The following CALCOCO2 variants were observed in gnomAD, a reference collection of about 807,000 sequenced individuals.
CALCOCO2 encodes the protein calcium-binding and coiled-coil domain-containing protein 2.
Under a neutral mutation model 62.5 loss-of-function variants are expected in CALCOCO2, and 42 were observed. That is an observed-to-expected ratio of 0.67 (90% CI 0.53 to 0.87). The LOEUF (loss-of-function observed/expected upper bound fraction) is 0.87, where lower values mean the gene tolerates loss of function less well. Ranked by LOEUF, CALCOCO2 falls within the 40% of genes least tolerant of loss-of-function variation. The pLI is 0.00. For missense variants in CALCOCO2, 456 were observed against 515.0 expected, an observed-to-expected ratio of 0.89 and a Z score of 1.11; for synonymous variants, 167 against 173.0, an observed-to-expected ratio of 0.97 and a Z score of 0.27.
chr17:48,848,572 A>G, intron 4 of CALCOCO2, 117 bp downstream of exon 4: 2 of 908,440 alleles, frequency 2.2e-6, no homozygotes, highest in Non-Finnish European at 3.6e-6. Flanking sequence ...ATTGGAAAAA[A>G]TGTATGTAGT....
At chr17:48,836,872 G>A (rs1391248235) in intron 1 of CALCOCO2, among the ~76,000 whole-genome samples, 1 of 149,572 alleles carries the variant, frequency 6.7e-6, no homozygotes, top group Non-Finnish European at 1.5e-5. Context: ...AAGCTATTCT[G>A]CCTCAGCCTT....
chr17:48,839,005 CT>C (rs560816686), intron 1 of CALCOCO2, among the ~76,000 whole-genome samples: 104 of 144,968 alleles, frequency 7.2e-4, no homozygotes, highest in Admixed American at 7.6e-4. Context: ...CACTTTGTTT[CT>C]TTTTTTTTTT....
intron 10 of CALCOCO2, 133 bp from the exon 11 acceptor site, chr17:48,860,181 A>G: frequency 1.5e-6 from 1 of 646,246 alleles, no homozygotes. Flanking sequence ...AGAATTATGG[A>G]TTATCAATTA....
intron 2 of CALCOCO2, chr17:48,847,835 A>G: frequency 2.7e-6 from 1 of 374,064 alleles, no homozygotes; most frequent in East Asian, 5.5e-5. Flanking sequence ...TTTGTATTTT[A>G]ATGGAGACGG....
rs59973644 is a variant in CALCOCO2 at position 48,861,661 on chromosome 17, G to GTATA, written c.1145-602_1145-599dup. Among the ~76,000 whole-genome samples, 225 of 135,130 alleles carry GTATA rather than the reference G, an allele frequency of 1.7e-3. 5 individuals are homozygous for GTATA. Among genetic ancestry groups the GTATA allele is most frequent in the South Asian group, 0.015 (67 of 4,424 alleles). The allele number at this position is 135,130 out of a possible 152,430, so 88.7% of individuals were successfully genotyped here. A position where few individuals can be genotyped will look rare whatever the true frequency, so the allele number is the denominator to read the frequency against. ...TATGTATATATATATATGTGTGTGT[G>GTATA]TATATATATATATATAAAGCCTGTG... On this transcript the variant is annotated intron_variant, in intron 11 of 12. Coordinates refer to ENST00000258947, the MANE Select transcript of CALCOCO2 (RefSeq NM_005831.5).
rs991202870 is a variant in CALCOCO2 at position 48,865,058 on chromosome 17, C to A, written c.*2053C>A. On this transcript the variant is annotated 3_prime_UTR_variant, in exon 13 of 13. Coordinates refer to ENST00000258947, the MANE Select transcript of CALCOCO2 (RefSeq NM_005831.5). ...TTTGCCCCTGCTACCCCGAGGGTTA[C>A]CATGATTGTCAACAGCAGCAGGAGC... The A allele has an allele frequency of 2.0e-5, 3 of 152,166 alleles. No individual in the cohort carries two copies. Among genetic ancestry groups the A allele is most frequent in the African/African-American group, 7.2e-5 (3 of 41,432 alleles). 9.4% of individuals were successfully genotyped at this position (152,166 alleles called of 1,614,324 possible).
chr17:48,857,973 T>C, intron 10 of CALCOCO2, among the ~76,000 whole-genome samples: 1 of 59,724 alleles, frequency 1.7e-5, no homozygotes, highest in Non-Finnish European at 4.5e-5. Context: ...CAAGACTACA[T>C]CAATAGAATA....
rs373361289 is a variant in CALCOCO2, at chr17:48,860,458, A to G, written c.1144+9A>G. The stretch of plus-strand genomic sequence containing the variant: ...TGGAAACCCATATTCTGGTAAGACA[A>G]CTTTCCCATTCCAACTGGAAGGACC... On this transcript the variant is annotated intron_variant, in intron 11 of 12. Transcript: ENST00000258947. The G allele has an allele frequency of 1.4e-4, 229 of 1,612,654 alleles. No homozygotes were observed. Among genetic ancestry groups the G allele is most frequent in the Non-Finnish European group, 1.9e-4 (220 of 1,179,076 alleles).
intron 8 of CALCOCO2, 113 bp downstream of exon 8, chr17:48,852,741 AG>A: frequency 8.9e-7 from 1 of 1,119,472 alleles, no homozygotes. Context: ...CACTGGCTTT[AG>A]GAAAGGGCTC....
chr17:48,860,650 T>C (rs993796441), intron 11 of CALCOCO2, among the ~76,000 whole-genome samples: 2 of 152,198 alleles, frequency 1.3e-5, no homozygotes, highest in African/African-American at 4.8e-5. Context: ...ACAAATCAGA[T>C]CATTCGCCTA....
chr17:48,846,642 G>A (rs1190691191), intron 2 of CALCOCO2: 3 of 614,952 alleles, frequency 4.9e-6, no homozygotes, highest in African/African-American at 1.9e-5. Context: ...CCTGCTTCCT[G>A]TACCACCGCA....
At chr17:48,834,473 A>G (rs1035297409) in intron 1 of CALCOCO2, among the ~76,000 whole-genome samples, 4 of 151,830 alleles carry the variant, frequency 2.6e-5, no homozygotes, top group Non-Finnish European at 4.4e-5. Flanking sequence ...GAAAATCCCT[A>G]TTTGTTTTCT....
At chr17:48,834,033 C>T (rs935350454) in intron 1 of CALCOCO2, among the ~76,000 whole-genome samples, 1 of 143,830 alleles carries the variant, frequency 7.0e-6, no homozygotes, top group Non-Finnish European at 1.5e-5. Flanking sequence ...GAGAGGATTG[C>T]TTGAGCCAGG....
chr17:48,861,783 C>T (rs1342812878), intron 11 of CALCOCO2, among the ~76,000 whole-genome samples: 1 of 151,408 alleles, frequency 6.6e-6, no homozygotes, highest in Non-Finnish European at 1.5e-5. Context: ...TGTCGTGGCT[C>T]ACTCCTGTAA....
At chr17:48,858,610 A>G (rs537294629) in intron 10 of CALCOCO2, among the ~76,000 whole-genome samples, 2 of 152,094 alleles carry the variant, frequency 1.3e-5, no homozygotes, top group African/African-American at 4.8e-5. Flanking sequence ...GATTACAGGC[A>G]TAAGCCACTG....
chr17:48,840,398 T>C (rs1446547994), intron 1 of CALCOCO2, among the ~76,000 whole-genome samples: 1 of 152,220 alleles, frequency 6.6e-6, no homozygotes, highest in Admixed American at 6.5e-5. Context: ...TCCAAAGTGC[T>C]GGGATTACAG....
intron 10 of CALCOCO2, among the ~76,000 whole-genome samples, chr17:48,856,850 G>C (rs2040223632): frequency 6.6e-6 from 1 of 151,056 alleles, no homozygotes; most frequent in African/African-American, 2.4e-5. Flanking sequence ...CAGGCTTGGA[G>C]TGCAGTGGCA....
chr17:48,846,642 G>T (rs1190691191), intron 2 of CALCOCO2: 1 of 615,070 alleles, frequency 1.6e-6, no homozygotes, highest in East Asian at 2.8e-5. Context: ...CCTGCTTCCT[G>T]TACCACCGCA....
intron 1 of CALCOCO2, among the ~76,000 whole-genome samples, chr17:48,832,222 T>C (rs2039823719): frequency 6.6e-6 from 1 of 152,194 alleles, no homozygotes; most frequent in African/African-American, 2.4e-5. Flanking sequence ...AGCAAAACGC[T>C]GTCTTTACTA....
Sources: allele counts gnomAD v4.1 joint callset (sites outside exome capture counted in the v4.1 genomes callset), GRCh38; gene constraint gnomAD v4.1.1; transcripts MANE v1.5; gene names NCBI Gene and HGNC (gene_info 2026-07-23, HGNC 2026-07-21).